SPECC1L: variants seen among roughly 807,000 people sequenced by gnomAD.
SPECC1L encodes the protein cytospin-A.
A neutral mutation model predicts 116.8 loss-of-function variants in SPECC1L; 40 were observed. That is an observed-to-expected ratio of 0.34 (90% CI 0.27 to 0.45). The LOEUF is 0.45. Among genes scored for constraint, SPECC1L ranks in the 20% least tolerant of loss-of-function variants. The pLI, the probability that SPECC1L is intolerant of heterozygous loss-of-function variation, is 1.00. For missense variants in SPECC1L, 1,110 were observed against 1,373.6 expected (o/e 0.81, Z 3.03); for synonymous variants, 504 against 500.6 (o/e 1.01, Z -0.09).
At chr22:24,402,401 A>G (rs953759299) in intron 14 of SPECC1L, among the ~76,000 whole-genome samples, 1 of 151,980 alleles carries the variant, frequency 6.6e-6, no homozygotes, top group Admixed American at 6.5e-5. Context: ...TCTTTCAGAC[A>G]TTATATCTTC....
intron 2 of SPECC1L, among the ~76,000 whole-genome samples, chr22:24,300,587 C>T (rs1322774068): frequency 6.6e-6 from 1 of 152,182 alleles, no homozygotes; most frequent in Non-Finnish European, 1.5e-5. Flanking sequence ...TACATTTCCA[C>T]CAACAGTGTA....
At chr22:24,363,811 T>A (rs1285760048) in intron 12 of SPECC1L, among the ~76,000 whole-genome samples, 2 of 151,824 alleles carry the variant, frequency 1.3e-5, no homozygotes, top group African/African-American at 2.4e-5. Context: ...GAGAAAATAT[T>A]TGTGCCCTCT....
chr22:24,304,991 C>A (rs1456062711), intron 3 of SPECC1L, among the ~76,000 whole-genome samples: 2 of 152,130 alleles, frequency 1.3e-5, no homozygotes, highest in African/African-American at 4.8e-5. Flanking sequence ...ATTCCTTCAT[C>A]CATTTCATGT....
intron 14 of SPECC1L, among the ~76,000 whole-genome samples, chr22:24,407,010 T>A (rs1455781582): frequency 6.6e-6 from 1 of 152,192 alleles, no homozygotes; most frequent in Non-Finnish European, 1.5e-5. Flanking sequence ...ACATGATCTC[T>A]GTGGATGGGG....
At chr22:24,393,332 A>G (rs2042306394) in intron 14 of SPECC1L, among the ~76,000 whole-genome samples, 1 of 152,230 alleles carries the variant, frequency 6.6e-6, no homozygotes. Flanking sequence ...AGATGAGGCA[A>G]TATGAGGGTG....
rs546377796 is a variant in SPECC1L, at chr22:24,407,463, G to A, written c.3088-4125G>A. On this transcript the variant is annotated intron_variant, in intron 14 of 16. Coordinates refer to ENST00000314328, the MANE Select transcript of SPECC1L (RefSeq NM_015330.6). The stretch of plus-strand genomic sequence containing the variant: ...GATGGGACACAGGAGCCTCTGCCTC[G>A]AGGCGCTGTGCAGTGGTGAGGCCAG... 3.9e-5 allele frequency among the ~76,000 whole-genome samples: 6 copies of A among 152,182 alleles called. No homozygotes were observed. The South Asian group carries it at 8.3e-4, about 21-fold the overall frequency.
chr22:24,312,768 T>C (rs1442113749), intron 3 of SPECC1L, among the ~76,000 whole-genome samples: 7 of 152,216 alleles, frequency 4.6e-5, no homozygotes, highest in Admixed American at 2.0e-4. Flanking sequence ...TCTCAAACTG[T>C]AAAGCCTCTA....
chr22:24,290,825 T>A (rs2049143198), intron 2 of SPECC1L, among the ~76,000 whole-genome samples: 1 of 152,252 alleles, frequency 6.6e-6, no homozygotes, highest in Non-Finnish European at 1.5e-5. Context: ...AGGTTATGTA[T>A]ATGTTGAAGA....
rs796365061 is a variant in SPECC1L at position 24,390,883 on chromosome 22, T to C, written c.3088-20705T>C. 9.5e-3 allele frequency among the ~76,000 whole-genome samples: 613 copies of C among 64,650 alleles called. 14 individuals carry two copies. Among genetic ancestry groups the C allele is most frequent in the African/African-American group, 0.032 (488 of 15,442 alleles). 42.4% of individuals were successfully genotyped at this position (64,650 alleles called of 152,430 possible). On this transcript the variant is annotated intron_variant, in intron 14 of 16. Coordinates refer to ENST00000314328, the MANE Select transcript of SPECC1L (RefSeq NM_015330.6). ...TTTTTTTTTCTTTTCTTTTTTTTTT[T>C]TTTTTTTTTTTTTTTGAGTCAGAGT...
intron 14 of SPECC1L, among the ~76,000 whole-genome samples, chr22:24,376,767 G>T (rs1300068157): frequency 6.6e-6 from 1 of 151,832 alleles, no homozygotes; most frequent in Non-Finnish European, 1.5e-5. Flanking sequence ...TTTCAAGTTG[G>T]TTGTAGAACT....
At chr22:24,381,342 CA>C (rs1168948748) in intron 14 of SPECC1L, among the ~76,000 whole-genome samples, 1 of 152,040 alleles carries the variant, frequency 6.6e-6, no homozygotes, top group Non-Finnish European at 1.5e-5. Context: ...TAATCTAGTA[CA>C]AAATAGTTTA....
intron 16 of SPECC1L, among the ~76,000 whole-genome samples, chr22:24,414,235 C>T (rs2042759149): frequency 1.3e-5 from 2 of 152,086 alleles, no homozygotes; most frequent in Admixed American, 6.5e-5. Context: ...GAGAGGCAGG[C>T]GCGGGGAGGA....
chr22:24,315,449 C>G (rs1056296062), intron 4 of SPECC1L, among the ~76,000 whole-genome samples: 1 of 152,272 alleles, frequency 6.6e-6, no homozygotes, highest in African/African-American at 2.4e-5. Flanking sequence ...TCTGTTTTGA[C>G]AAGGCCACAA....
intron 6 of SPECC1L, among the ~76,000 whole-genome samples, chr22:24,328,187 C>T (rs2040868674): frequency 6.6e-6 from 1 of 152,120 alleles, no homozygotes; most frequent in African/African-American, 2.4e-5. Flanking sequence ...ACACTTTCAT[C>T]CTTGTATCCT....
In SPECC1L at chr22:24,277,748, T is replaced by G. The variant is rs866563233; in HGVS notation, c.-38+945T>G. 3.8e-4 allele frequency among the ~76,000 whole-genome samples: 58 copies of G among 152,242 alleles called. 1 individual carries two copies. Among genetic ancestry groups the G allele is most frequent in the African/African-American group, 3.9e-4 (16 of 41,454 alleles). ...CTGAATGATATACTTTATTTGTCCATCAGTTGTTCATGCTTTATTTGTCCA... is the reference window on the plus strand; with the variant it reads ...CTGAATGATATACTTTATTTGTCCAGCAGTTGTTCATGCTTTATTTGTCCA... On this transcript the variant is annotated intron_variant, in intron 2 of 16. Transcript: ENST00000314328.
intron 3 of SPECC1L, among the ~76,000 whole-genome samples, chr22:24,308,917 G>C (rs942341508): frequency 1.8e-4 from 27 of 152,122 alleles, no homozygotes; most frequent in African/African-American, 6.5e-4. Context: ...GATTATCCCT[G>C]ATTTGTCCAC....
intron 11 of SPECC1L, among the ~76,000 whole-genome samples, chr22:24,349,108 T>C (rs1050662736): frequency 5.9e-5 from 9 of 152,146 alleles, no homozygotes; most frequent in Non-Finnish European, 1.0e-4. Context: ...TGGCACGATA[T>C]CAACTTACTG....
intron 16 of SPECC1L, among the ~76,000 whole-genome samples, chr22:24,414,203 C>T (rs1481415331): frequency 6.6e-6 from 1 of 152,026 alleles, no homozygotes; most frequent in Non-Finnish European, 1.5e-5. Flanking sequence ...TCAGAAGGGT[C>T]CCCCAAGGAG....
intron 4 of SPECC1L, among the ~76,000 whole-genome samples, chr22:24,321,030 AT>A (rs1180354537): frequency 6.6e-6 from 1 of 152,258 alleles, no homozygotes; most frequent in Non-Finnish European, 1.5e-5. Context: ...TGTAATTCAC[AT>A]TCCATAAAAT....
Sources: gnomAD v4.1 joint callset for allele counts (sites outside exome capture counted in the v4.1 genomes callset) on GRCh38, gnomAD v4.1.1 for gene constraint, MANE v1.5 for transcripts, NCBI Gene and HGNC (gene_info 2026-07-23, HGNC 2026-07-21) for gene names.